The following MAP3K9 variants were observed in gnomAD, a reference collection of about 807,000 sequenced individuals.
MAP3K9 encodes mixed lineage kinase 1 (tyr and ser/thr specificity).
MAP3K9 carries 46 observed loss-of-function variants against 95.8 expected under a neutral mutation model. The observed-to-expected ratio is 0.48, with a 90% CI of 0.38 to 0.61. MAP3K9 has a LOEUF of 0.61. Among genes scored for constraint, MAP3K9 ranks in the 20% least tolerant of loss-of-function variants. The pLI is 0.00. For synonymous variants in MAP3K9, 533 were observed against 593.8 expected (o/e 0.90, Z 1.49); for missense variants, 1,296 against 1,474.3 (o/e 0.88, Z 1.98).
At chr14:70,792,976 C>T (rs2054822542) in intron 2 of MAP3K9, among the ~76,000 whole-genome samples, 1 of 152,212 alleles carries the variant, frequency 6.6e-6, no homozygotes, top group African/African-American at 2.4e-5. Context: ...TGCAAGTGAA[C>T]AGAATTTGGA....
chr14:70,806,047 T>C (rs1356796528), intron 1 of MAP3K9, among the ~76,000 whole-genome samples: 1 of 152,256 alleles, frequency 6.6e-6, no homozygotes, highest in Admixed American at 6.5e-5. Flanking sequence ...CTTCTATTCA[T>C]GGTCCAGAAT....
At chr14:70,775,824 C>G (rs962068211) in intron 2 of MAP3K9, among the ~76,000 whole-genome samples, 7 of 152,318 alleles carry the variant, frequency 4.6e-5, no homozygotes, top group African/African-American at 1.7e-4. Flanking sequence ...CCACCTGAGT[C>G]TTATTTCATA....
At chr14:70,786,863 C>T (rs2054751143) in intron 2 of MAP3K9, among the ~76,000 whole-genome samples, 1 of 152,192 alleles carries the variant, frequency 6.6e-6, no homozygotes, top group Admixed American at 6.5e-5. Context: ...TCCTTTTCTC[C>T]TTCCTCTTAT....
intron 5 of MAP3K9, among the ~76,000 whole-genome samples, chr14:70,746,956 T>C (rs1472831812): frequency 6.6e-6 from 1 of 152,254 alleles, no homozygotes; most frequent in Non-Finnish European, 1.5e-5. Flanking sequence ...AACAGTCTTT[T>C]GTAATCATTC....
In MAP3K9 at chr14:70,792,767, A is replaced by C. The variant is rs189129439; in HGVS notation, c.820+7900T>G. Among the ~76,000 whole-genome samples, 127 of 152,308 alleles carry C rather than the reference A, an allele frequency of 8.3e-4. 1 individual carries two copies. The highest frequency in any genetic ancestry group is 2.7e-3 in the African/African-American group (111 of 41,568). ...GCAGCCAGCAAACTCACCAGCCATG[A>C]GAAATCCCACACAGGAAAACCAGTC... On this transcript the variant is annotated intron_variant, in intron 2 of 11. Transcript: ENST00000554752.
intron 2 of MAP3K9, among the ~76,000 whole-genome samples, chr14:70,774,983 C>CAAAAAAAAAAAAAAAAAAAAAAAAAAAAA (rs60144338): frequency 7.3e-5 from 4 of 55,096 alleles, no homozygotes; most frequent in Non-Finnish European, 1.2e-4. Flanking sequence ...ACTCTGTCCC[C>CAAAAAAAAAAAAAAAAAAAAAAAAAAAAA]AAAAAAAAAA....
chr14:70,801,162 A>G lies in MAP3K9; in HGVS notation c.407-82T>C, dbSNP rs1355214175. The G allele has an allele frequency of 4.5e-6, 6 of 1,346,830 alleles. No individual in the cohort carries two copies. In the Admixed American group the frequency reaches 1.1e-4, roughly 25 times the overall value. 83.4% of individuals were successfully genotyped at this position (1,346,830 alleles called of 1,614,324 possible). A position where few individuals can be genotyped will look rare whatever the true frequency, so the allele number is the denominator to read the frequency against. ...TAACCTTTCATTTACCTGAGTGGGTAAACACGGCAAGTTGTCTGTTTACTG... is the reference window on the plus strand; with the variant it reads ...TAACCTTTCATTTACCTGAGTGGGTGAACACGGCAAGTTGTCTGTTTACTG... On this transcript the variant is annotated intron_variant, in intron 1 of 11. Transcript: ENST00000554752.
At chr14:70,731,625 T>G (rs2053905238) in intron 11 of MAP3K9, among the ~76,000 whole-genome samples, 1 of 152,210 alleles carries the variant, frequency 6.6e-6, no homozygotes, top group African/African-American at 2.4e-5. Flanking sequence ...CTCAAGGGCA[T>G]GTCTGTTCAT....
intron 2 of MAP3K9, among the ~76,000 whole-genome samples, chr14:70,795,929 T>C (rs1011734393): frequency 8.6e-5 from 13 of 151,728 alleles, no homozygotes; most frequent in African/African-American, 2.9e-4. Flanking sequence ...CTAATTTTTG[T>C]ATTTTAGTAG....
At position 70,758,595 on chromosome 14, in the gene MAP3K9, G is replaced by A. The variant is rs537279391; in HGVS notation, c.1001+2407C>T. ...AAAATATGTTTACACAAAAGCTTGTGTTGTACACAAGTGTCCATAGCAGCA... is the reference window on the plus strand; with the variant it reads ...AAAATATGTTTACACAAAAGCTTGTATTGTACACAAGTGTCCATAGCAGCA... On this transcript the variant is annotated intron_variant, in intron 3 of 11. Coordinates refer to ENST00000554752, the MANE Select transcript of MAP3K9 (RefSeq NM_001284230.2). Among the ~76,000 whole-genome samples, 6 of 152,148 alleles carry A rather than the reference G, an allele frequency of 3.9e-5. No individual in the cohort carries two copies. The South Asian group carries it at 1.2e-3, about 32-fold the overall frequency.
intron 8 of MAP3K9, among the ~76,000 whole-genome samples, chr14:70,736,836 T>C (rs2139716462): frequency 6.6e-6 from 1 of 152,306 alleles, no homozygotes; most frequent in East Asian, 1.9e-4. Flanking sequence ...TTGCCCTACA[T>C]ATCTAAACTT....
rs1228768354 is a variant in MAP3K9 at position 70,769,871 on chromosome 14, T to C, written c.821-8689A>G. 2.6e-5 allele frequency among the ~76,000 whole-genome samples: 4 copies of C among 152,346 alleles called. No individual in the cohort carries two copies. The East Asian group carries it at 5.8e-4, about 22-fold the overall frequency. On this transcript the variant is annotated intron_variant, in intron 2 of 11. Transcript: ENST00000554752. Reference sequence around the variant, plus strand: ...CTTAACTTGACTACATCTGCAAAGATGGTATTTCCAAATTTCACAGGTTAG... The same window carrying C: ...CTTAACTTGACTACATCTGCAAAGACGGTATTTCCAAATTTCACAGGTTAG...
Position 70,729,808 on chromosome 14 carries a change from T to C in MAP3K9, c.*572A>G, listed in dbSNP as rs143229228. 1 of 152,992 alleles carries C rather than the reference T, an allele frequency of 6.5e-6. No individual in the cohort carries two copies. Among genetic ancestry groups the C allele is most frequent in the Non-Finnish European group, 1.5e-5 (1 of 68,528 alleles). The allele number at this position is 152,992 out of a possible 1,614,324, so 9.5% of individuals were successfully genotyped here. ...AGGCAGTGCCAGGTCTATCAAGCCC[T>C]ATGACCCCACACTGGGCCACCTTGC... is the stretch of plus-strand genomic sequence containing the variant. On this transcript the variant is annotated 3_prime_UTR_variant, in exon 12 of 12. Transcript: ENST00000554752.
chr14:70,738,117 C>G, intron 8 of MAP3K9, 128 bp downstream of exon 8: 1 of 1,079,442 alleles, frequency 9.3e-7, no homozygotes, highest in Non-Finnish European at 1.3e-6. Flanking sequence ...TTGTAAAGAT[C>G]AAGAAGCTTG....
intron 6 of MAP3K9, 105 bp from the exon 7 acceptor site, chr14:70,740,269 T>C: frequency 1.6e-6 from 2 of 1,255,718 alleles, no homozygotes; most frequent in South Asian, 3.1e-5. Context: ...AGGCCCCAGT[T>C]TCCTGAAAAG....
chr14:70,797,810 G>A (rs1230632842), intron 2 of MAP3K9, among the ~76,000 whole-genome samples: 4 of 152,056 alleles, frequency 2.6e-5, no homozygotes, highest in Non-Finnish European at 4.4e-5. Flanking sequence ...TGGTATCATC[G>A]AGGCTCATAT....
intron 2 of MAP3K9, among the ~76,000 whole-genome samples, chr14:70,780,769 A>G (rs1211462288): frequency 6.6e-6 from 1 of 152,196 alleles, no homozygotes; most frequent in African/African-American, 2.4e-5. Flanking sequence ...TCATCGTATC[A>G]GCTCAAACTG....
At chr14:70,798,125 C>T (rs1332059801) in intron 2 of MAP3K9, among the ~76,000 whole-genome samples, 1 of 152,140 alleles carries the variant, frequency 6.6e-6, no homozygotes, top group Admixed American at 6.5e-5. Flanking sequence ...GGTCTCTTGC[C>T]CTCTCCTACA....
rs1006395616 is a variant in MAP3K9 at position 70,730,267 on chromosome 14, G to T, written c.*113C>A. 1.7e-5 allele frequency: 24 copies of T among 1,440,264 alleles called. No individual in the cohort carries two copies. Among genetic ancestry groups the T allele is most frequent in the Non-Finnish European group, 2.2e-5 (24 of 1,070,602 alleles). The allele number at this position is 1,440,264 out of a possible 1,614,324, so 89.2% of individuals were successfully genotyped here. ...CTTCCATCTTCAAAGTGCATTATCA[G>T]TGCAAGAAGTAGGGCTGGATCTCAG... On this transcript the variant is annotated 3_prime_UTR_variant, in exon 12 of 12. Transcript: ENST00000554752.
Sources: allele counts gnomAD v4.1 joint callset (sites outside exome capture counted in the v4.1 genomes callset), GRCh38; gene constraint gnomAD v4.1.1; transcripts MANE v1.5; gene names NCBI Gene and HGNC (gene_info 2026-07-23, HGNC 2026-07-21).